NTNG1: variants seen among roughly 807,000 people sequenced by gnomAD.
NTNG1 encodes the protein netrin G1, also known as netrin-G1.
NTNG1 carries 16 observed loss-of-function variants against 54.0 expected under a neutral mutation model. That is an observed-to-expected ratio of 0.30 (90% CI 0.20 to 0.45). The LOEUF is 0.45. Ranked by LOEUF, NTNG1 falls within the 20% of genes least tolerant of loss-of-function variation. NTNG1 has a pLI of 1.00. For synonymous variants in NTNG1, 255 were observed against 263.1 expected, an observed-to-expected ratio of 0.97 and a Z score of 0.30; for missense variants, 530 against 678.7, an observed-to-expected ratio of 0.78 and a Z score of 2.43.
intron 5 of NTNG1, chr1:107,408,808 C>A (rs1009634151): frequency 2.0e-5 from 3 of 152,070 alleles, no homozygotes; most frequent in South Asian, 2.1e-4. Context: ...GCAGGGTGAT[C>A]GCAGTGTAAA....
intron 2 of NTNG1, among the ~76,000 whole-genome samples, chr1:107,166,350 A>C (rs1343351083): frequency 6.6e-6 from 1 of 152,176 alleles, no homozygotes; most frequent in Non-Finnish European, 1.5e-5. Flanking sequence ...TCTGTGAATT[A>C]ATGTAAATCC....
intron 2 of NTNG1, among the ~76,000 whole-genome samples, chr1:107,188,398 C>T (rs139231435): frequency 6.6e-6 from 1 of 152,218 alleles, no homozygotes; most frequent in East Asian, 1.9e-4. Flanking sequence ...TGCTACAGCT[C>T]TTCACACTCT....
intron 2 of NTNG1, among the ~76,000 whole-genome samples, chr1:107,282,227 T>G (rs1664909164): frequency 6.6e-6 from 1 of 152,164 alleles, no homozygotes; most frequent in Non-Finnish European, 1.5e-5. Context: ...ATCATTTAAG[T>G]TGCCAATGAG....
At chr1:107,291,262 C>A (rs1412003092) in intron 2 of NTNG1, among the ~76,000 whole-genome samples, 1 of 151,900 alleles carries the variant, frequency 6.6e-6, no homozygotes, top group Non-Finnish European at 1.5e-5. Flanking sequence ...ATTTTCTTTT[C>A]TCTGGCTTAC....
At chr1:107,380,645 A>G (rs1671586471) in intron 3 of NTNG1, among the ~76,000 whole-genome samples, 1 of 152,186 alleles carries the variant, frequency 6.6e-6, no homozygotes, top group Non-Finnish European at 1.5e-5. Context: ...CCTGGTTTTC[A>G]TATTTCCACA....
chr1:107,337,725 T>G (rs1380238726), intron 3 of NTNG1, among the ~76,000 whole-genome samples: 3 of 152,058 alleles, frequency 2.0e-5, no homozygotes, highest in Non-Finnish European at 4.4e-5. Context: ...CTTTCTTCTC[T>G]GTCCTTATGA....
chr1:107,394,079 T>G (rs1672530651), intron 3 of NTNG1, among the ~76,000 whole-genome samples: 1 of 151,944 alleles, frequency 6.6e-6, no homozygotes, highest in Non-Finnish European at 1.5e-5. Flanking sequence ...TCTCTGGTTC[T>G]GATTCAGACC....
At chr1:107,336,385 T>C (rs77846197) in intron 3 of NTNG1, among the ~76,000 whole-genome samples, 11,860 of 151,624 alleles carry the variant, frequency 0.078, 583 homozygotes, top group Admixed American at 0.12. Context: ...CAACAAATGA[T>C]GTTGGGAAAA....
At chr1:107,207,609 T>A (rs1659290964) in intron 2 of NTNG1, among the ~76,000 whole-genome samples, 3 of 152,136 alleles carry the variant, frequency 2.0e-5, no homozygotes, top group Admixed American at 2.0e-4. Flanking sequence ...GTACCTAAGG[T>A]ATAAAGGGTG....
chr1:107,188,076 CTA>C (rs1356801948), intron 2 of NTNG1, among the ~76,000 whole-genome samples: 1 of 151,480 alleles, frequency 6.6e-6, no homozygotes, highest in Non-Finnish European at 1.5e-5. Flanking sequence ...TTTTTGACAA[CTA>C]TGTGCCACTC....
At chr1:107,418,571 T>C in intron 5 of NTNG1, 2 of 1,586,640 alleles carry the variant, frequency 1.3e-6, no homozygotes, top group Non-Finnish European at 8.6e-7. Flanking sequence ...TTTTTCCTGA[T>C]GCGTGCAGAT....
chr1:107,458,154 A>G (rs985101451), intron 7 of NTNG1, among the ~76,000 whole-genome samples: 8 of 152,102 alleles, frequency 5.3e-5, no homozygotes, highest in Middle Eastern at 3.2e-3. Context: ...CTGATCCAAA[A>G]TCCCCTTACT....
At chr1:107,304,914 G>A (rs775160396) in intron 2 of NTNG1, among the ~76,000 whole-genome samples, 45 of 152,054 alleles carry the variant, frequency 3.0e-4, no homozygotes, top group Non-Finnish European at 5.3e-4. Flanking sequence ...AGGCCCTGGT[G>A]TATGATATTC....
At chr1:107,286,083 C>G (rs1194873910) in intron 2 of NTNG1, among the ~76,000 whole-genome samples, 1 of 152,112 alleles carries the variant, frequency 6.6e-6, no homozygotes, top group Non-Finnish European at 1.5e-5. Flanking sequence ...TTCCCTTAAG[C>G]AGATGTAAAG....
intron 7 of NTNG1, among the ~76,000 whole-genome samples, chr1:107,458,937 A>C (rs986428765): frequency 1.3e-5 from 2 of 152,118 alleles, no homozygotes. Context: ...GTTTCGTTCT[A>C]CTTCCTACAA....
intron 2 of NTNG1, among the ~76,000 whole-genome samples, chr1:107,204,122 C>CTGTTT (rs565420617): frequency 1.0e-3 from 153 of 151,782 alleles, no homozygotes; most frequent in Non-Finnish European, 1.4e-3. Context: ...CAAGATGTTT[C>CTGTTT]TGTTTTGTTT....
At chr1:107,321,874 A>G (rs1333315991) in intron 2 of NTNG1, among the ~76,000 whole-genome samples, 1 of 152,050 alleles carries the variant, frequency 6.6e-6, no homozygotes, top group African/African-American at 2.4e-5. Flanking sequence ...GGGAAGGGGT[A>G]AGAGGCACCA....
At chr1:107,376,744 C>G (rs6662274) in intron 3 of NTNG1, among the ~76,000 whole-genome samples, 1 of 151,946 alleles carries the variant, frequency 6.6e-6, no homozygotes. Context: ...CATAGTATCT[C>G]GAGTGAACCT....
chr1:107,430,704 C>T lies in NTNG1; in HGVS notation c.1088-46C>T, dbSNP rs760374248. 1.9e-6 allele frequency: 3 copies of T among 1,590,990 alleles called. No homozygotes were observed. In the South Asian group the frequency reaches 3.3e-5, roughly 18 times the overall value. ...CCCAAGCATGTAGTATGCTATTACT[C>T]TGCTACTGTATACACTCTGTATACA... On this transcript the variant is annotated intron_variant, in intron 5 of 7. Coordinates refer to ENST00000370068, the MANE Select transcript of NTNG1 (RefSeq NM_001113226.3).
Sources: gnomAD v4.1 joint callset for allele counts (sites outside exome capture counted in the v4.1 genomes callset) on GRCh38, gnomAD v4.1.1 for gene constraint, MANE v1.5 for transcripts, NCBI Gene and HGNC (gene_info 2026-07-23, HGNC 2026-07-21) for gene names.